Variants in MAP3K4 observed in about 807,000 individuals in gnomAD.
MAP3K4 encodes the protein mitogen-activated protein kinase kinase kinase 4.
A neutral mutation model predicts 185.6 loss-of-function variants in MAP3K4; 67 were observed. The observed-to-expected ratio is 0.36, with a 90% CI of 0.30 to 0.44. The LOEUF (loss-of-function observed/expected upper bound fraction) is 0.44, where lower values mean the gene tolerates loss of function less well. MAP3K4 is among the 20% of genes least tolerant of loss of function. The probability of loss-of-function intolerance (pLI) is 1.00; values close to 1 mark genes in which losing one functional copy is unlikely to be tolerated. For synonymous variants in MAP3K4, 702 were observed against 710.4 expected (o/e 0.99, Z 0.19); for missense variants, 1,551 against 1,995.1 (o/e 0.78, Z 4.24).
In MAP3K4 at chr6:161,070,625, T is replaced by C. The variant is rs1316683895; in HGVS notation, c.1725T>C (p.Asp575=). ...DRPVEFSEFP[D]PMWGSDYVQL... is the part of the protein sequence containing the mutation. ...TGTTATAGTTTTCTGAATTTCCAGA[T>C]CCCATGTGGGGTTCAGATTATGTGC... is the stretch of plus-strand genomic sequence containing the variant. Residue 575 remains aspartate (D), a synonymous_variant, in exon 4 of 27, where the codon GAT becomes GAC. Transcript: ENST00000392142. This position sits in a 1 kb window ranked among gnomAD's most constrained non-coding sequence, Gnocchi z 4.5. 6.2e-7 allele frequency: 1 copy of C among 1,613,432 alleles called. No homozygotes were observed. Among genetic ancestry groups the C allele is most frequent in the Non-Finnish European group, 8.5e-7 (1 of 1,179,860 alleles).
chr6:161,058,573 C>CT (rs1318796520), intron 3 of MAP3K4, among the ~76,000 whole-genome samples: 1 of 152,186 alleles, frequency 6.6e-6, no homozygotes, highest in Non-Finnish European at 1.5e-5. Context: ...TCCCTGTCCT[C>CT]TGTCACTGCT....
Position 161,051,835 on chromosome 6 carries a change from A to T in MAP3K4, c.1707+1856A>T, listed in dbSNP as rs1431568294. 6.6e-6 allele frequency among the ~76,000 whole-genome samples: 1 copy of T among 152,152 alleles called. No individual in the cohort carries two copies. The highest frequency in any genetic ancestry group is 1.5e-5 in the Non-Finnish European group (1 of 68,024). On this transcript the variant is annotated intron_variant, in intron 3 of 26. Transcript: ENST00000392142. This position sits in a 1 kb window ranked among gnomAD's most constrained non-coding sequence, Gnocchi z 4.2. The stretch of plus-strand genomic sequence containing the variant: ...GCTGTGTAAATAGTTGTTATACTGT[A>T]TCTTTTTTGTTTGTATTATTACTAT...
chr6:161,015,249 C>T (rs796835), intron 1 of MAP3K4, among the ~76,000 whole-genome samples: 131,886 of 151,264 alleles, frequency 0.87, 58,043 homozygotes, highest in Non-Finnish European at 0.93. Flanking sequence ...TCAATGAGAG[C>T]TGAACAATGA....
Position 161,092,977 on chromosome 6 carries a change from G to A in MAP3K4, c.3270-1G>A, listed in dbSNP as rs1249058413. Reference sequence around the variant, plus strand: ...GATTACTGAACTTTTTCGTGTACCAGGTGGGCGACTCAAGGATTTGATTTT... The same window carrying A: ...GATTACTGAACTTTTTCGTGTACCAAGTGGGCGACTCAAGGATTTGATTTT... On this transcript the variant is annotated splice_acceptor_variant, in intron 13 of 26. Coordinates refer to ENST00000392142, the MANE Select transcript of MAP3K4 (RefSeq NM_005922.4). LOFTEE classifies it high-confidence loss of function. The A allele has an allele frequency of 6.2e-7, 1 of 1,610,730 alleles. No homozygotes were observed. Among genetic ancestry groups the A allele is most frequent in the African/African-American group, 1.3e-5 (1 of 74,814 alleles).
In MAP3K4 at chr6:161,101,769, A is replaced by G; in HGVS notation, c.3675-123A>G. ...AAGTGTCTAATACATTGCTGGAGGC[A>G]GAGTTGTTCCTGGCAGGCAGAGTTG... On this transcript the variant is annotated intron_variant, in intron 17 of 26. Transcript: ENST00000392142. The surrounding 1 kb of genome is among the most constrained non-coding windows in gnomAD (Gnocchi z 5.1). The G allele has an allele frequency of 4.0e-6, 3 of 752,840 alleles. No individual in the cohort carries two copies. Among genetic ancestry groups the G allele is most frequent in the Non-Finnish European group, 6.6e-6 (3 of 453,878 alleles). 46.6% of individuals were successfully genotyped at this position (752,840 alleles called of 1,614,324 possible). A position where few individuals can be genotyped will look rare whatever the true frequency, so the allele number is the denominator to read the frequency against.
rs759908441 is a variant in MAP3K4 at position 161,108,747 on chromosome 6, G to A, written c.4124G>A (p.Arg1375Gln). 9 of 1,605,664 alleles carry A rather than the reference G, an allele frequency of 5.6e-6. No homozygotes were observed. The highest frequency in any genetic ancestry group is 1.1e-5 in the South Asian group (1 of 90,908). The change falls in exon 22 of 27, where the codon CGA becomes CAA. Residue 1375 changes from arginine to glutamine, a missense_variant. Physicochemically the swap from Arg to Gln is conservative, Grantham distance 43. This residue lies in a region of MAP3K4 where 159 missense variants were observed against 300.5 expected (regional missense o/e 0.53). Coordinates refer to ENST00000392142, the MANE Select transcript of MAP3K4 (RefSeq NM_005922.4). The surrounding 1 kb of genome is among the most constrained non-coding windows in gnomAD (Gnocchi z 5.7). ...TTTTGTCACCTCACTTTACAGATTC[G>A]ATTTCAACCTAATGACCATAAGACT... The part of the protein sequence containing the change: ...TGELMAMKEI[R>Q]FQPNDHKTIK...
In MAP3K4 at chr6:161,109,604, G is replaced by A; in HGVS notation, c.4237-151G>A. On this transcript the variant is annotated intron_variant, in intron 22 of 26. Transcript: ENST00000392142. The surrounding 1 kb of genome is among the most constrained non-coding windows in gnomAD (Gnocchi z 5.7). ...TAGAGGACTTAGAAACGACTGTTGT[G>A]AGACACATTCAGTGCTCAGGATGGC... 2.7e-6 allele frequency: 2 copies of A among 737,396 alleles called. No individual in the cohort carries two copies. Among genetic ancestry groups the A allele is most frequent in the Non-Finnish European group, 4.5e-6 (2 of 446,054 alleles). The allele number at this position is 737,396 out of a possible 1,614,324, so 45.7% of individuals were successfully genotyped here.
intron 1 of MAP3K4, among the ~76,000 whole-genome samples, chr6:161,018,709 C>G (rs1038061266): frequency 6.6e-6 from 1 of 151,956 alleles, no homozygotes; most frequent in Admixed American, 6.6e-5. Context: ...AAAATATGAC[C>G]TATAACCAGG....
intron 5 of MAP3K4, among the ~76,000 whole-genome samples, chr6:161,078,195 T>C (rs534018235): frequency 2.6e-5 from 4 of 152,244 alleles, no homozygotes; most frequent in African/African-American, 9.6e-5. Context: ...GAAAGTGAGC[T>C]AAGTAGAGAT....
At chr6:161,039,103 G>A (rs1176628980) in intron 2 of MAP3K4, among the ~76,000 whole-genome samples, 2 of 152,038 alleles carry the variant, frequency 1.3e-5, no homozygotes, top group Non-Finnish European at 2.9e-5. Flanking sequence ...TTAGTTCCAT[G>A]AGGCTGGCCC....
In MAP3K4 at chr6:161,086,752, A is replaced by G. The variant is rs148890723; in HGVS notation, c.2556+85A>G. 3.6e-4 allele frequency: 377 copies of G among 1,049,296 alleles called. No homozygotes were observed. The highest frequency in any genetic ancestry group is 1.2e-3 in the Admixed American group (56 of 47,058). The allele number at this position is 1,049,296 out of a possible 1,614,324, so 65.0% of individuals were successfully genotyped here. On this transcript the variant is annotated intron_variant, in intron 9 of 26. Coordinates refer to ENST00000392142, the MANE Select transcript of MAP3K4 (RefSeq NM_005922.4). The surrounding 1 kb of genome is among the most constrained non-coding windows in gnomAD (Gnocchi z 4.8). ...GGCAGACTTTTTCTTGAAGGTCCAG[A>G]TAGTAAATATTACAGGCTCTGAAGG... is the stretch of plus-strand genomic sequence containing the variant.
At chr6:161,059,910 G>A (rs1017125332) in intron 3 of MAP3K4, among the ~76,000 whole-genome samples, 4 of 150,824 alleles carry the variant, frequency 2.7e-5, no homozygotes, top group Non-Finnish European at 4.4e-5. Context: ...TATCCTGTAG[G>A]GTCTGAATTT....
chr6:161,050,944 C>T (rs550736532), intron 3 of MAP3K4, among the ~76,000 whole-genome samples: 1 of 152,262 alleles, frequency 6.6e-6, no homozygotes, highest in East Asian at 1.9e-4. Flanking sequence ...TCCCAAAATC[C>T]GAAAATGCTC....
intron 3 of MAP3K4, among the ~76,000 whole-genome samples, chr6:161,050,718 TG>T (rs889273020): frequency 6.6e-6 from 1 of 152,248 alleles, no homozygotes. Context: ...GGGCATTTTG[TG>T]GGATATCATT....
At chr6:161,072,948 G>A (rs188389725) in intron 4 of MAP3K4, among the ~76,000 whole-genome samples, 13 of 151,868 alleles carry the variant, frequency 8.6e-5, no homozygotes, top group South Asian at 2.1e-4. Context: ...ATATTAAGTC[G>A]GTTGGTTGGT....
chr6:161,035,637 G>A (rs1453938157), intron 2 of MAP3K4, among the ~76,000 whole-genome samples: 2 of 152,020 alleles, frequency 1.3e-5, no homozygotes, highest in African/African-American at 2.4e-5. Context: ...TTACCCCTTT[G>A]GAAATTTCCC....
In MAP3K4 at chr6:160,996,128, A is replaced by C. The variant is rs989315447; in HGVS notation, c.152+4045A>C. 1.3e-5 allele frequency among the ~76,000 whole-genome samples: 2 copies of C among 149,182 alleles called. No individual in the cohort carries two copies. The highest frequency in any genetic ancestry group is 6.7e-5 in the Admixed American group (1 of 15,032). ...GTTTCAGTCTTGACCTTGTATGTCA[A>C]CTGTTCTCCCTGGCAAAGTCAGCCT... On this transcript the variant is annotated intron_variant, in intron 1 of 26. Transcript: ENST00000392142. This position sits in a 1 kb window ranked among gnomAD's most constrained non-coding sequence, Gnocchi z 4.5.
In MAP3K4 at chr6:161,064,965, T is replaced by A. The variant is rs549967672; in HGVS notation, c.1708-5643T>A. On this transcript the variant is annotated intron_variant, in intron 3 of 26. Transcript: ENST00000392142. This position sits in a 1 kb window ranked among gnomAD's most constrained non-coding sequence, Gnocchi z 4.3. The stretch of plus-strand genomic sequence containing the variant: ...CCTCAGGAAGGTTTAATTGGTGGAT[T>A]TAAAGCAAGCAGGCACAAATTCCAG... 1.3e-5 allele frequency among the ~76,000 whole-genome samples: 2 copies of A among 152,222 alleles called. No individual in the cohort carries two copies. Among genetic ancestry groups the A allele is most frequent in the South Asian group, 4.2e-4 (2 of 4,814 alleles).
At chr6:161,027,793 A>G (rs1163910798) in intron 1 of MAP3K4, among the ~76,000 whole-genome samples, 2 of 152,198 alleles carry the variant, frequency 1.3e-5, no homozygotes, top group Non-Finnish European at 2.9e-5. Flanking sequence ...TAAAATAAAA[A>G]CCATTTATTA....
Sources: gnomAD v4.1 joint callset for allele counts (sites outside exome capture counted in the v4.1 genomes callset) on GRCh38, gnomAD v4.1.1 for gene constraint, gnomAD v4.1.1 regional missense constraint, Gnocchi (gnomAD v3.1) non-coding constraint, MANE v1.5 for transcripts, NCBI Gene and HGNC (gene_info 2026-07-23, HGNC 2026-07-21) for gene names.